ELMO1: variants seen among roughly 807,000 people sequenced by gnomAD.
ELMO1 encodes engulfment and cell motility protein 1.
A neutral mutation model predicts 98.9 loss-of-function variants in ELMO1; 26 were observed. The observed-to-expected ratio is 0.26, with a 90% confidence interval of 0.19 to 0.36. ELMO1 has a LOEUF of 0.36. Among genes scored for constraint, ELMO1 ranks in the 10% least tolerant of loss-of-function variants. The pLI, the probability that ELMO1 is intolerant of heterozygous loss-of-function variation, is 1.00. For synonymous variants in ELMO1, 346 were observed against 346.0 expected, an observed-to-expected ratio of 1.00 and a Z score of 0.00; for missense variants, 627 against 935.2, an observed-to-expected ratio of 0.67 and a Z score of 4.30.
chr7:37,324,359 C>T (rs1039274435), intron 2 of ELMO1, among the ~76,000 whole-genome samples: 1 of 151,944 alleles, frequency 6.6e-6, no homozygotes, highest in Non-Finnish European at 1.5e-5. Context: ...TCAGCTCTGA[C>T]ATCCACTTCT....
intron 16 of ELMO1, among the ~76,000 whole-genome samples, chr7:37,001,363 A>T (rs893415388): frequency 6.6e-6 from 1 of 152,228 alleles, no homozygotes; most frequent in African/African-American, 2.4e-5. Context: ...CATTGAATTA[A>T]ACATTTCTGG....
chr7:37,111,799 T>G (rs143835452), intron 14 of ELMO1, among the ~76,000 whole-genome samples: 577 of 152,312 alleles, frequency 3.8e-3, no homozygotes, highest in Middle Eastern at 6.8e-3. Flanking sequence ...ATATGCAGAG[T>G]AGAGCCCCAA....
At chr7:37,449,292 C>T (rs924820421), upstream of ELMO1, 1 of 152,126 alleles carries the variant, frequency 6.6e-6, no homozygotes, top group Non-Finnish European at 1.5e-5. Context: ...AGGCCAAAAG[C>T]GAGTAGCATC....
chr7:37,140,047 A>G (rs1787515152), intron 13 of ELMO1, among the ~76,000 whole-genome samples: 1 of 152,120 alleles, frequency 6.6e-6, no homozygotes, highest in African/African-American at 2.4e-5. Flanking sequence ...CTCATCTCTC[A>G]ACTTACACGA....
chr7:37,204,235 C>T (rs746795465), intron 13 of ELMO1: 5 of 455,624 alleles, frequency 1.1e-5, no homozygotes, highest in Non-Finnish European at 1.8e-5. Flanking sequence ...CATGGACCCT[C>T]ACAGTGAGTG....
chr7:37,197,253 C>T (rs1379842573), intron 13 of ELMO1: 1 of 152,168 alleles, frequency 6.6e-6, no homozygotes, highest in Non-Finnish European at 1.5e-5. Flanking sequence ...GCAGAGATGC[C>T]CGCACAGGGC....
intron 16 of ELMO1, among the ~76,000 whole-genome samples, chr7:36,927,665 T>C (rs1204687019): frequency 1.3e-5 from 2 of 152,216 alleles, no homozygotes; most frequent in African/African-American, 2.4e-5. Flanking sequence ...GGTTCCATAC[T>C]CAGCCTTACT....
chr7:37,252,831 T>A (rs183104862), intron 6 of ELMO1, among the ~76,000 whole-genome samples: 32 of 152,238 alleles, frequency 2.1e-4, no homozygotes, highest in Non-Finnish European at 2.6e-4. Context: ...AATATAGCCA[T>A]CTGACAAAGG....
chr7:37,086,367 T>A (rs1265452918), intron 15 of ELMO1, among the ~76,000 whole-genome samples: 5 of 147,494 alleles, frequency 3.4e-5, no homozygotes, highest in African/African-American at 5.1e-5. Flanking sequence ...TGTGTGTGTG[T>A]GAAGAGAAGG....
intron 16 of ELMO1, among the ~76,000 whole-genome samples, chr7:36,967,498 A>C (rs1031688113): frequency 6.6e-6 from 1 of 152,268 alleles, no homozygotes; most frequent in African/African-American, 2.4e-5. Context: ...GAGTCTGTTA[A>C]ATTGCCACTA....
chr7:36,982,928 AAC>A (rs1370433570), intron 16 of ELMO1, among the ~76,000 whole-genome samples: 5 of 152,222 alleles, frequency 3.3e-5, no homozygotes, highest in African/African-American at 7.2e-5. Flanking sequence ...AACTCTGACG[AAC>A]ACAGTTTCTA....
intron 6 of ELMO1, among the ~76,000 whole-genome samples, chr7:37,257,727 C>T (rs1178668513): frequency 1.3e-5 from 2 of 150,288 alleles, no homozygotes; most frequent in African/African-American, 4.9e-5. Context: ...TCAGGCTGGA[C>T]ACGGTGGCTC....
chr7:37,142,488 C>T (rs1787705960), intron 13 of ELMO1, among the ~76,000 whole-genome samples: 1 of 152,148 alleles, frequency 6.6e-6, no homozygotes, highest in Non-Finnish European at 1.5e-5. Context: ...GAAGCTTGCC[C>T]CAGACCTCAC....
chr7:36,998,928 CATTT>C (rs1229359157), intron 16 of ELMO1, among the ~76,000 whole-genome samples: 1 of 151,728 alleles, frequency 6.6e-6, no homozygotes, highest in African/African-American at 2.4e-5. Flanking sequence ...TTGAGAAAAT[CATTT>C]ATTTATTATT....
chr7:37,098,870 A>G (rs1407762343), intron 14 of ELMO1, among the ~76,000 whole-genome samples: 1 of 152,240 alleles, frequency 6.6e-6, no homozygotes, highest in Non-Finnish European at 1.5e-5. Flanking sequence ...AAGACAGAAC[A>G]TAAAGAGAAG....
At chr7:37,156,360 CA>C in intron 13 of ELMO1, among the ~76,000 whole-genome samples, 1 of 151,928 alleles carries the variant, frequency 6.6e-6, no homozygotes, top group East Asian at 1.9e-4. Context: ...AAAAACCCTT[CA>C]AAAAAATCAA....
chr7:37,146,948 C>A (rs1788028652), intron 13 of ELMO1, among the ~76,000 whole-genome samples: 2 of 152,120 alleles, frequency 1.3e-5, no homozygotes, highest in Non-Finnish European at 1.5e-5. Flanking sequence ...GAACTTGCAA[C>A]TTGGGCAAGA....
chr7:37,401,711 C>T (rs1366739205), intron 1 of ELMO1, among the ~76,000 whole-genome samples: 1 of 152,162 alleles, frequency 6.6e-6, no homozygotes, highest in African/African-American at 2.4e-5. Context: ...ATCACGAGAA[C>T]AGCATGAGGG....
chr7:37,313,611 T>C (rs1041413106), intron 4 of ELMO1, among the ~76,000 whole-genome samples: 7 of 152,184 alleles, frequency 4.6e-5, no homozygotes, highest in African/African-American at 1.4e-4. Flanking sequence ...TTCCCAGTGT[T>C]CATCTGGGAA....
Sources: allele counts gnomAD v4.1 joint callset (sites outside exome capture counted in the v4.1 genomes callset), GRCh38; gene constraint gnomAD v4.1.1; transcripts MANE v1.5; gene names NCBI Gene and HGNC (gene_info 2026-07-23, HGNC 2026-07-21).